Variants in AGMO observed in about 807,000 individuals in gnomAD.
AGMO encodes the protein glyceryl-ether monooxygenase.
In AGMO, 75 loss-of-function variants were observed where a neutral mutation model predicts 60.2. The ratio of observed to expected loss-of-function variants is 1.25; its 90% CI spans 1.03 to 1.51. AGMO has a LOEUF of 1.51. AGMO is among the 40% of genes most tolerant of loss of function. The probability of loss-of-function intolerance (pLI) is 0.00; values close to 1 mark genes in which losing one functional copy is unlikely to be tolerated. For missense variants in AGMO, 763 were observed against 525.5 expected, an observed-to-expected ratio of 1.45 and a Z score of -4.42; for synonymous variants, 261 against 177.1, an observed-to-expected ratio of 1.47 and a Z score of -3.76.
At chr7:15,325,061 C>T (rs953803731) in intron 12 of AGMO, among the ~76,000 whole-genome samples, 1 of 152,008 alleles carries the variant, frequency 6.6e-6, no homozygotes, top group Non-Finnish European at 1.5e-5. Context: ...CTTTGAAAAC[C>T]CCTCAGGAAG....
rs1407821355 is a variant in AGMO at position 15,397,223 on chromosome 7, C to T, written c.610-3044G>A. On this transcript the variant is annotated intron_variant, in intron 5 of 12. Coordinates refer to ENST00000342526, the MANE Select transcript of AGMO (RefSeq NM_001004320.2). ...CCCGCCGTCCTGGCCTACGACCCCG[C>T]GAAGAGGGAACGGCGGTCCGCGCAT... 3.9e-5 allele frequency among the ~76,000 whole-genome samples: 6 copies of T among 152,274 alleles called. No homozygotes were observed. In the South Asian group the frequency reaches 1.2e-3, roughly 32 times the overall value.
intron 3 of AGMO, among the ~76,000 whole-genome samples, chr7:15,481,259 T>C (rs901280432): frequency 6.6e-6 from 1 of 152,110 alleles, no homozygotes; most frequent in Non-Finnish European, 1.5e-5. Context: ...CATGTCCTAA[T>C]AATGGGCAGG....
chr7:15,281,892 A>G (rs2128518981), intron 12 of AGMO, among the ~76,000 whole-genome samples: 1 of 152,266 alleles, frequency 6.6e-6, no homozygotes, highest in Non-Finnish European at 1.5e-5. Context: ...ATTTGCTCAT[A>G]CACCAAACAC....
the AGMO span, among the ~76,000 whole-genome samples, chr7:15,164,228 T>C: frequency 6.6e-6 from 1 of 152,014 alleles, no homozygotes; most frequent in Non-Finnish European, 1.5e-5. Flanking sequence ...TCTCTCACCA[T>C]ATACAAAAAT....
At chr7:15,350,352 T>C (rs537225727) in intron 12 of AGMO, among the ~76,000 whole-genome samples, 69 of 152,260 alleles carry the variant, frequency 4.5e-4, no homozygotes, top group African/African-American at 1.6e-3. Flanking sequence ...GCATAAATTG[T>C]ATAAAAAATC....
In AGMO at chr7:15,372,305, G is replaced by A. The variant is rs1461926825; in HGVS notation, c.1075-6083C>T. Among the ~76,000 whole-genome samples, 8 of 151,972 alleles carry A rather than the reference G, an allele frequency of 5.3e-5. No homozygotes were observed. The South Asian group carries it at 1.7e-3, about 32-fold the overall frequency. ...GTCTCTACTAAAAATACAAAAATTA[G>A]CCAGGCATGGTGGCACACACCTGTA... On this transcript the variant is annotated intron_variant, in intron 10 of 12. Transcript: ENST00000342526.
At chr7:15,411,298 T>C (rs963341411) in intron 5 of AGMO, among the ~76,000 whole-genome samples, 6 of 151,952 alleles carry the variant, frequency 3.9e-5, no homozygotes, top group African/African-American at 1.4e-4. Flanking sequence ...TATTCTGTTA[T>C]TGCAACAGAA....
At chr7:15,410,436 A>C (rs1784807909) in intron 5 of AGMO, among the ~76,000 whole-genome samples, 3 of 151,874 alleles carry the variant, frequency 2.0e-5, no homozygotes, top group Admixed American at 2.0e-4. Flanking sequence ...AGAATCTCAA[A>C]TTTTTATAGT....
intron 12 of AGMO, among the ~76,000 whole-genome samples, chr7:15,293,323 G>A (rs888056819): frequency 1.3e-5 from 2 of 152,006 alleles, no homozygotes; most frequent in African/African-American, 2.4e-5. Context: ...TAAAACTAAA[G>A]GAGAGATCTA....
At chr7:15,519,764 C>T (rs1243731028) in intron 3 of AGMO, among the ~76,000 whole-genome samples, 2 of 152,002 alleles carry the variant, frequency 1.3e-5, no homozygotes, top group Non-Finnish European at 2.9e-5. Flanking sequence ...GGCAAAATAA[C>T]CAGCTAGTAT....
intron 12 of AGMO, among the ~76,000 whole-genome samples, chr7:15,276,920 C>G (rs559258570): frequency 1.4e-5 from 2 of 140,056 alleles, no homozygotes; most frequent in South Asian, 4.5e-4. Context: ...ATATCTAACT[C>G]TTCCTTCATT....
chr7:15,333,242 C>T (rs1238692982), intron 12 of AGMO, among the ~76,000 whole-genome samples: 2 of 152,118 alleles, frequency 1.3e-5, no homozygotes, highest in Non-Finnish European at 2.9e-5. Context: ...GCAAAATACA[C>T]ACTGAAATTC....
chr7:15,181,000 T>C, the AGMO span, among the ~76,000 whole-genome samples: 1 of 152,150 alleles, frequency 6.6e-6, no homozygotes, highest in African/African-American at 2.4e-5. Context: ...GCTCATTTTA[T>C]GTAAAGCCCC....
chr7:15,378,593 T>C (rs142658181), intron 10 of AGMO, among the ~76,000 whole-genome samples: 1 of 152,016 alleles, frequency 6.6e-6, no homozygotes, highest in African/African-American at 2.4e-5. Flanking sequence ...CACACAATAA[T>C]AGTGGGAGAC....
chr7:15,258,757 T>C (rs10239354), intron 12 of AGMO, among the ~76,000 whole-genome samples: 148,480 of 152,044 alleles, frequency 0.98, 72,527 homozygotes, highest in East Asian at 1. Flanking sequence ...GAACTCTTTC[T>C]AGACACTCGC....
In AGMO at chr7:15,290,225, C is replaced by T. The variant is rs561096970; in HGVS notation, c.1263+75289G>A. On this transcript the variant is annotated intron_variant, in intron 12 of 12. Coordinates refer to ENST00000342526, the MANE Select transcript of AGMO (RefSeq NM_001004320.2). ...TGTATTTTCAGTACAGATGGGGTTT[C>T]ACCATATTGGTCAGGCTGGTCTCGA... 1.8e-3 allele frequency among the ~76,000 whole-genome samples: 277 copies of T among 152,022 alleles called. 3 individuals carry two copies. Among genetic ancestry groups the T allele is most frequent in the Non-Finnish European group, 6.9e-4 (47 of 67,980 alleles).
intron 12 of AGMO, among the ~76,000 whole-genome samples, chr7:15,204,697 T>C (rs1781395520): frequency 6.6e-6 from 1 of 152,228 alleles, no homozygotes; most frequent in Non-Finnish European, 1.5e-5. Flanking sequence ...TCAACTCTGA[T>C]GCCTGAACTT....
chr7:15,385,348 A>G, intron 10 of AGMO, 98 bp downstream of exon 10: 1 of 807,366 alleles, frequency 1.2e-6, no homozygotes, highest in East Asian at 2.5e-5. Context: ...AGACCACTAC[A>G]GAGAATATAT....
intron 12 of AGMO, among the ~76,000 whole-genome samples, chr7:15,347,201 T>G (rs1312229714): frequency 6.6e-6 from 1 of 152,074 alleles, no homozygotes; most frequent in Non-Finnish European, 1.5e-5. Context: ...TTCAATTGTA[T>G]GCACGTACAA....
Sources: gnomAD v4.1 joint callset for allele counts (sites outside exome capture counted in the v4.1 genomes callset) on GRCh38, gnomAD v4.1.1 for gene constraint, MANE v1.5 for transcripts, NCBI Gene and HGNC (gene_info 2026-07-23, HGNC 2026-07-21) for gene names.